The following ALDH16A1 variants were observed in gnomAD, a reference collection of about 807,000 sequenced individuals.
ALDH16A1 encodes aldehyde dehydrogenase 16 family member A1, also known as aldehyde dehydrogenase family 16 member A1.
In ALDH16A1, 88 loss-of-function variants were observed where a neutral mutation model predicts 96.1. The observed-to-expected ratio is 0.92, with a 90% confidence interval of 0.77 to 1.09. ALDH16A1 has a LOEUF of 1.09. Among genes scored for constraint, ALDH16A1 ranks in the 50% least tolerant of loss-of-function variants. ALDH16A1 has a pLI of 0.00. For synonymous variants in ALDH16A1, 522 were observed against 496.4 expected, an observed-to-expected ratio of 1.05 and a Z score of -0.69; for missense variants, 1,250 against 1,112.6, an observed-to-expected ratio of 1.12 and a Z score of -1.76.
At position 49,461,949 on chromosome 19, in the gene ALDH16A1, G is replaced by C; in HGVS notation, c.825G>C (p.Thr275=). 3.2e-6 allele frequency: 5 copies of C among 1,570,014 alleles called. No homozygotes were observed. Among genetic ancestry groups the C allele is most frequent in the Non-Finnish European group, 4.3e-6 (5 of 1,160,028 alleles). Reference sequence around the variant, plus strand: ...CGGAGCTGGGCCTGGCGCTGGGGACGGAGTCGCTGCTGCTGCTGACGGACA... The same window carrying C: ...CGGAGCTGGGCCTGGCGCTGGGGACCGAGTCGCTGCTGCTGCTGACGGACA... ...ECAELGLALG[T]ESLLLLTDTA... Residue 275 remains threonine, a synonymous_variant, in exon 7 of 17, where the codon ACG becomes ACC. Coordinates refer to ENST00000293350, the MANE Select transcript of ALDH16A1 (RefSeq NM_153329.4).
Position 49,461,808 on chromosome 19 carries a change from C to T in ALDH16A1, c.759+8C>T, listed in dbSNP as rs1384632805. 5 of 1,609,544 alleles carry T rather than the reference C, an allele frequency of 3.1e-6. No homozygotes were observed. Among genetic ancestry groups the T allele is most frequent in the South Asian group, 1.1e-5 (1 of 90,484 alleles). ...TTCTGCGGAGCCCCGGAGGTACCTT[C>T]GGGACAGGGGTCGTGGCGGAACGCG... On this transcript the variant is annotated splice_region_variant and intron_variant, in intron 6 of 16. Transcript: ENST00000293350.
At chr19:49,467,217 C>T (rs1002818901) in intron 14 of ALDH16A1, among the ~76,000 whole-genome samples, 25 of 152,120 alleles carry the variant, frequency 1.6e-4, no homozygotes, top group African/African-American at 5.3e-4. Flanking sequence ...ACAAGAGACT[C>T]GCCATGTTGC....
At position 49,468,429 on chromosome 19, in the gene ALDH16A1, G is replaced by A. The variant is rs1445953441; in HGVS notation, c.1987G>A (p.Val663Met). Residue 663 changes from valine (V) to methionine (M), a missense_variant, in exon 15 of 17, where the codon GTG (valine) becomes ATG (methionine). By Grantham distance (21) the Val-to-Met change is conservative. Coordinates refer to ENST00000293350, the MANE Select transcript of ALDH16A1 (RefSeq NM_153329.4). The surrounding 1 kb of genome is among the most constrained non-coding windows in gnomAD (Gnocchi z 4.4). ...GCTGCGCCTGCGGGAGCCGCTGGGTGTGCTGGCTGTGGTGTGTCCGGACGA... is the reference window on the plus strand; with the variant it reads ...GCTGCGCCTGCGGGAGCCGCTGGGTATGCTGGCTGTGGTGTGTCCGGACGA... ...PVLRLREPLG[V>M]LAVVCPDEWP... The A allele has an allele frequency of 6.2e-7, 1 of 1,601,166 alleles. No homozygotes were observed. Among genetic ancestry groups the A allele is most frequent in the East Asian group, 2.2e-5 (1 of 44,852 alleles).
Position 49,461,935 on chromosome 19 carries a change from C to G in ALDH16A1, c.811C>G (p.Leu271Val). The G allele has an allele frequency of 1.3e-6, 2 of 1,575,848 alleles. No individual in the cohort carries two copies. Among genetic ancestry groups the G allele is most frequent in the Non-Finnish European group, 1.7e-6 (2 of 1,162,392 alleles). The change falls in exon 7 of 17, where the codon CTG (leucine) becomes GTG (valine). Residue 271 changes from leucine to valine, a missense_variant. By Grantham distance (32) the Leu-to-Val change is conservative (BLOSUM62 1). Coordinates refer to ENST00000293350, the MANE Select transcript of ALDH16A1 (RefSeq NM_153329.4). ...GGCGGGAGAGTGTGCGGAGCTGGGC[C>G]TGGCGCTGGGGACGGAGTCGCTGCT... is the stretch of plus-strand genomic sequence containing the variant. The part of the protein sequence containing the change: ...SLAGECAELG[L>V]ALGTESLLLL...
rs1442554168 is a variant in ALDH16A1, at chr19:49,466,202, T to TGCGGAG, written c.1865_1870dup (p.Ala622_Glu623dup). On this transcript the variant is annotated inframe_insertion, in exon 14 of 17. Coordinates refer to ENST00000293350, the MANE Select transcript of ALDH16A1 (RefSeq NM_153329.4). Reference sequence around the variant, plus strand: ...AGAGGCAGGGAGCGGAGCTCAAGGCTGCGGAGGCGGAGGTGGAGCTGAGCG... The same window carrying TGCGGAG: ...AGAGGCAGGGAGCGGAGCTCAAGGCTGCGGAGGCGGAGGCGGAGGTGGAGCTGAGCG... The TGCGGAG allele has an allele frequency of 3.2e-6, 5 of 1,540,492 alleles. No homozygotes were observed. The highest frequency in any genetic ancestry group is 4.4e-6 in the Non-Finnish European group (5 of 1,144,768).
intron 5 of ALDH16A1, 146 bp downstream of exon 5, chr19:49,461,045 A>T: frequency 1.2e-6 from 1 of 840,656 alleles, no homozygotes; most frequent in Non-Finnish European, 1.9e-6. Flanking sequence ...GCGGGTCTGA[A>T]CTCCTAGGTC....
At position 49,467,998 on chromosome 19, in the gene ALDH16A1, CA is replaced by C. The variant is rs879290872; in HGVS notation, c.1939-371del. ...TGAAACCCCGTCTCTACTAAATATA[CA>C]AAAAAAAAAAATTAGCCGGGCATGG... On this transcript the variant is annotated intron_variant, in intron 14 of 16. Coordinates refer to ENST00000293350, the MANE Select transcript of ALDH16A1 (RefSeq NM_153329.4). Among the ~76,000 whole-genome samples, 848 of 140,022 alleles carry C rather than the reference CA, an allele frequency of 6.1e-3. 6 individuals are homozygous for C. Among genetic ancestry groups the C allele is most frequent in the African/African-American group, 0.018 (697 of 38,318 alleles). The allele number at this position is 140,022 out of a possible 152,430, so 91.9% of individuals were successfully genotyped here.
At position 49,470,370 on chromosome 19, in the gene ALDH16A1, G is replaced by A; in HGVS notation, c.2312G>A (p.Cys771Tyr). The change falls in exon 17 of 17, where the codon TGC becomes TAC. Residue 771 changes from cysteine (C) to tyrosine (Y), a missense_variant. Transcript: ENST00000293350. ...AAACCGGTGTGGGCGAGCAGGGGCT[G>A]CCCGCGGGCCTGGGACCAGGAGGCC... ...NLKPVWASRG[C>Y]PRAWDQEAEG... 1.9e-6 allele frequency: 3 copies of A among 1,613,128 alleles called. No homozygotes were observed. The highest frequency in any genetic ancestry group is 2.5e-6 in the Non-Finnish European group (3 of 1,179,794).
chr19:49,467,105 C>A (rs1040930674), intron 14 of ALDH16A1, among the ~76,000 whole-genome samples: 3 of 152,192 alleles, frequency 2.0e-5, no homozygotes, highest in Non-Finnish European at 4.4e-5. Context: ...GCAGCCTCAA[C>A]CTCCGAGGTC....
chr19:49,470,259 G>A, intron 16 of ALDH16A1, 47 bp from the exon 17 acceptor site: 1 of 1,606,832 alleles, frequency 6.2e-7, no homozygotes, highest in Non-Finnish European at 8.5e-7. Context: ...CAGGTGCTCA[G>A]CAACAAGCCT....
In ALDH16A1 at chr19:49,465,808, A is replaced by G. The variant is rs759036626; in HGVS notation, c.1639A>G (p.Ile547Val). The change falls in exon 13 of 17, where the codon ATC becomes GTC. Residue 547 changes from isoleucine to valine, a missense_variant. Coordinates refer to ENST00000293350, the MANE Select transcript of ALDH16A1 (RefSeq NM_153329.4). ...TCCTGGGGCCCGAAGCTCCAGGCCC[A>G]TCCGGGATTCGTCTGGCAACCTCCA... is the stretch of plus-strand genomic sequence containing the variant. ...QAPGARSSRP[I>V]RDSSGNLHGY... 3 of 1,614,090 alleles carry G rather than the reference A, an allele frequency of 1.9e-6. No homozygotes were observed.
rs914511055 is a variant in ALDH16A1 at position 49,462,166 on chromosome 19, C to G, written c.912+130C>G. ...ATTTATTTTGAGACGGAGTTTCACT[C>G]TTGTCGCCCAGGCTGGGGTGCAGCG... On this transcript the variant is annotated intron_variant, in intron 7 of 16. Transcript: ENST00000293350. 4.5e-6 allele frequency: 6 copies of G among 1,322,624 alleles called. No individual in the cohort carries two copies. In the East Asian group the frequency reaches 1.5e-4, roughly 32 times the overall value. 81.9% of individuals were successfully genotyped at this position (1,322,624 alleles called of 1,614,324 possible).
Position 49,465,911 on chromosome 19 carries a change from G to C in ALDH16A1, c.1736+6G>C, listed in dbSNP as rs138680384. ...GCTCACCAGGCTTTCCCTGGGTAAG[G>C]GGTCACACGGGAAAGCCCAAGGGTC... On this transcript the variant is annotated splice_donor_region_variant and intron_variant, in intron 13 of 16. Transcript: ENST00000293350. 2.5e-6 allele frequency: 4 copies of C among 1,612,656 alleles called. No individual in the cohort carries two copies. The highest frequency in any genetic ancestry group is 3.4e-6 in the Non-Finnish European group (4 of 1,179,388).
intron 14 of ALDH16A1, among the ~76,000 whole-genome samples, chr19:49,467,114 TCCAAGTGAGCCCCCCACCTCAG>T (rs2079205552): frequency 6.6e-6 from 1 of 152,104 alleles, no homozygotes; most frequent in Non-Finnish European, 1.5e-5. Context: ...ACCTCCGAGG[TCCAAGTGAGCCCCCCACCTCAG>T]CCTCCTGAGT....
Position 49,464,745 on chromosome 19 carries a change from G to A in ALDH16A1, c.1551G>A (p.Gly517=), listed in dbSNP as rs141388688. ...GLAVPSTLPA[G]PEIGPSPAPP... is the part of the protein sequence containing the mutation. ...CTGTTCCCTCAACCCTGCCGGCTGG[G>A]CCTGAAATAGGGCCCAGGTGAGTCG... Residue 517 remains glycine (G), a synonymous_variant, in exon 12 of 17, where the codon GGG becomes GGA. Coordinates refer to ENST00000293350, the MANE Select transcript of ALDH16A1 (RefSeq NM_153329.4). 2.6e-4 allele frequency: 423 copies of A among 1,614,064 alleles called. No homozygotes were observed. In the African/African-American group the frequency reaches 3.5e-3, roughly 13 times the overall value.
rs1405597248 is a variant in ALDH16A1, at chr19:49,461,680, G to C, written c.639G>C (p.Leu213=). Residue 213 remains leucine (L), a synonymous_variant, in exon 6 of 17, where the codon CTG becomes CTC. Coordinates refer to ENST00000293350, the MANE Select transcript of ALDH16A1 (RefSeq NM_153329.4). ...ASPAPLLLAQ[L]AGELGPFPGI... ...CGGCGCCCCTCCTCCTGGCCCAGCT[G>C]GCGGGGGAGCTGGGCCCCTTCCCGG... 13 of 1,608,096 alleles carry C rather than the reference G, an allele frequency of 8.1e-6. No homozygotes were observed. Among genetic ancestry groups the C allele is most frequent in the African/African-American group, 1.3e-5 (1 of 74,856 alleles).
intron 1 of ALDH16A1, 180 bp downstream of exon 1, chr19:49,453,601 G>A: frequency 5.1e-6 from 3 of 583,918 alleles, no homozygotes; most frequent in Non-Finnish European, 9.0e-6. Context: ...CCTTGGCGGT[G>A]GCAGCCTTTT....
chr19:49,463,969 A>G lies in ALDH16A1; in HGVS notation c.1194+20A>G. The G allele has an allele frequency of 6.3e-7, 1 of 1,599,422 alleles. No homozygotes were observed. Among genetic ancestry groups the G allele is most frequent in the Non-Finnish European group, 8.5e-7 (1 of 1,172,030 alleles). ...GTGGAGGTGAGACCCTTAAGGCTGC[A>G]GAGCTCCTACCCACCGCCAGCCAAG... On this transcript the variant is annotated intron_variant, in intron 9 of 16. Transcript: ENST00000293350.
intron 7 of ALDH16A1, 81 bp from the exon 8 acceptor site, chr19:49,462,489 C>G (rs193275143): frequency 1.0e-4 from 154 of 1,492,656 alleles, no homozygotes; most frequent in Non-Finnish European, 1.4e-4. Context: ...CCCTAGTTTT[C>G]CAGCCTCTGT....
Sources: allele counts gnomAD v4.1 joint callset (sites outside exome capture counted in the v4.1 genomes callset), GRCh38; gene constraint gnomAD v4.1.1; non-coding constraint Gnocchi (gnomAD v3.1); transcripts MANE v1.5; gene names NCBI Gene and HGNC (gene_info 2026-07-23, HGNC 2026-07-21).